AP2A2: variants seen among roughly 807,000 people sequenced by gnomAD.
The protein encoded by AP2A2 is AP-2 complex subunit alpha-2.
AP2A2 carries 32 observed loss-of-function variants against 104.2 expected under a neutral mutation model. That is an observed-to-expected ratio of 0.31 (90% CI 0.23 to 0.41). The LOEUF is 0.41. Among genes scored for constraint, AP2A2 ranks in the 10% least tolerant of loss-of-function variants. AP2A2 has a pLI of 1.00. For missense variants in AP2A2, 912 were observed against 1,261.0 expected (o/e 0.72, Z 4.19); for synonymous variants, 539 against 533.3 (o/e 1.01, Z -0.15).
In AP2A2 at chr11:925,947, C is replaced by G. The variant is rs1385017209; in HGVS notation, c.-75C>G. 1.7e-6 allele frequency: 2 copies of G among 1,167,140 alleles called. No individual in the cohort carries two copies. Among genetic ancestry groups the G allele is most frequent in the Admixed American group, 3.9e-5 (1 of 25,538 alleles). The allele number at this position is 1,167,140 out of a possible 1,614,324, so 72.3% of individuals were successfully genotyped here. ...GCTCCTCCGCGGCGGTGACGGCGACCGCACTCCCCGCTTCCCGCTCCCCGC... is the reference window on the plus strand; with the variant it reads ...GCTCCTCCGCGGCGGTGACGGCGACGGCACTCCCCGCTTCCCGCTCCCCGC... On this transcript the variant is annotated 5_prime_UTR_variant, in exon 1 of 22. Coordinates refer to ENST00000448903, the MANE Select transcript of AP2A2 (RefSeq NM_012305.4).
chr11:957,320 T>C (rs915968563), intron 1 of AP2A2, among the ~76,000 whole-genome samples: 1 of 152,216 alleles, frequency 6.6e-6, no homozygotes, highest in Non-Finnish European at 1.5e-5. Context: ...GCAGACTTCA[T>C]TGGATAGGCA....
chr11:946,039 C>T (rs918955752), intron 1 of AP2A2, among the ~76,000 whole-genome samples: 3 of 152,160 alleles, frequency 2.0e-5, no homozygotes, highest in Non-Finnish European at 1.5e-5. Context: ...GCCACTTAGC[C>T]GGAATGGTGG....
intron 1 of AP2A2, chr11:932,594 C>T (rs1258815040): frequency 2.5e-6 from 1 of 406,370 alleles, no homozygotes; most frequent in Non-Finnish European, 4.9e-6. Context: ...TGCATGTCTT[C>T]TTTTGCATGC....
chr11:960,841 A>G (rs537310787), intron 2 of AP2A2, among the ~76,000 whole-genome samples: 22 of 147,552 alleles, frequency 1.5e-4, no homozygotes, highest in Middle Eastern at 7.9e-3. Flanking sequence ...TATTTTTAGT[A>G]GAGACGGGGG....
At chr11:1,009,237 A>T (rs757079714) in intron 19 of AP2A2, 21 bp downstream of exon 19, 1 of 1,609,168 alleles carries the variant, frequency 6.2e-7, no homozygotes, top group South Asian at 1.1e-5. Context: ...TGTTTCCTGT[A>T]GGGGTCAGGG....
rs36207972 is a variant in AP2A2, at chr11:968,432, TCCCATCCCCGTC to T, written c.137-1736_137-1725del. Among the ~76,000 whole-genome samples, 72,422 of 151,448 alleles carry T rather than the reference TCCCATCCCCGTC, an allele frequency of 0.48. 18,236 individuals carry two copies. The highest frequency in any genetic ancestry group is 0.65 in the Middle Eastern group (188 of 290). On this transcript the variant is annotated intron_variant, in intron 2 of 21. Coordinates refer to ENST00000448903, the MANE Select transcript of AP2A2 (RefSeq NM_012305.4). This position sits in a 1 kb window ranked among gnomAD's most constrained non-coding sequence, Gnocchi z 4.2. ...AGCCTGTCTCCGTCTCCGCCCCTGT[TCCCATCCCCGTC>T]TCCATCCCCGTCCCCATCCCTGTCC...
chr11:954,665 T>TGTGTTTGTATAAATGTGTATTC (rs1854175312), intron 1 of AP2A2, among the ~76,000 whole-genome samples: 1 of 152,130 alleles, frequency 6.6e-6, no homozygotes, highest in African/African-American at 2.4e-5. Flanking sequence ...TATGTGTATT[T>TGTGTTTGTATAAATGTGTATTC]GTGTTTGTAT....
chr11:945,594 A>G (rs944377891), intron 1 of AP2A2, among the ~76,000 whole-genome samples: 9 of 152,200 alleles, frequency 5.9e-5, no homozygotes, highest in Non-Finnish European at 1.0e-4. Flanking sequence ...CGGCCTCTCA[A>G]AGTGCTGGGA....
At chr11:976,106 AAC>A (rs1157192545) in intron 4 of AP2A2, among the ~76,000 whole-genome samples, 4 of 152,134 alleles carry the variant, frequency 2.6e-5, no homozygotes, top group Non-Finnish European at 5.9e-5. Context: ...TGGCGCCTGG[AAC>A]ACACCCCTGA....
chr11:926,722 C>T (rs1335853873), intron 1 of AP2A2, among the ~76,000 whole-genome samples: 2 of 152,174 alleles, frequency 1.3e-5, no homozygotes, highest in African/African-American at 2.4e-5. Flanking sequence ...GACTCATTCC[C>T]GGAGGGAATC....
intron 18 of AP2A2, 24 bp downstream of exon 18, chr11:1,008,159 G>C: frequency 6.3e-7 from 1 of 1,579,108 alleles, no homozygotes; most frequent in Non-Finnish European, 8.6e-7. Flanking sequence ...GTGCGCCCCG[G>C]GCCAAGGGGT....
In AP2A2 at chr11:990,378, G is replaced by T. The variant is rs576061552; in HGVS notation, c.1269+1689G>T. On this transcript the variant is annotated intron_variant, in intron 10 of 21. Transcript: ENST00000448903. Reference sequence around the variant, plus strand: ...GGCCTGGCTGGGGCAGTGTGGCCTGGTGTCAGCACTTGTGGTGGGGTGGGG... The same window carrying T: ...GGCCTGGCTGGGGCAGTGTGGCCTGTTGTCAGCACTTGTGGTGGGGTGGGG... Among the ~76,000 whole-genome samples the T allele has an allele frequency of 9.8e-5, 15 of 152,326 alleles. No individual in the cohort carries two copies. The South Asian group carries it at 3.1e-3, about 32-fold the overall frequency.
chr11:999,500 A>G (rs1267482278), intron 14 of AP2A2, among the ~76,000 whole-genome samples: 2 of 152,100 alleles, frequency 1.3e-5, no homozygotes, highest in East Asian at 3.9e-4. Context: ...CTGTCTCAAA[A>G]AAAACAAAAA....
chr11:989,518 C>T (rs145119834), intron 10 of AP2A2, among the ~76,000 whole-genome samples: 6 of 152,324 alleles, frequency 3.9e-5, no homozygotes, highest in African/African-American at 1.4e-4. Context: ...TGAATTAATC[C>T]TTTGTGGCTT....
intron 1 of AP2A2, among the ~76,000 whole-genome samples, chr11:950,509 C>T (rs796178063): frequency 2.0e-5 from 3 of 151,990 alleles, no homozygotes; most frequent in South Asian, 2.1e-4. Context: ...AGGGTTTTGC[C>T]GTGTTGGCCA....
At chr11:984,500 G>C in intron 6 of AP2A2, 145 bp from the exon 7 acceptor site, 1 of 697,340 alleles carries the variant, frequency 1.4e-6, no homozygotes, top group Non-Finnish European at 2.5e-6. Context: ...GGGGTACCAA[G>C]CAGTGTCAGA....
chr11:1,010,990 G>A lies in AP2A2; in HGVS notation c.*365G>A, dbSNP rs760331753. On this transcript the variant is annotated 3_prime_UTR_variant, in exon 22 of 22. Coordinates refer to ENST00000448903, the MANE Select transcript of AP2A2 (RefSeq NM_012305.4). ...CCGTGCTGCCGCCCACCCCGCCTCGGAGCCTCTGGGAGCAGCAGTGCCACT... is the reference window on the plus strand; with the variant it reads ...CCGTGCTGCCGCCCACCCCGCCTCGAAGCCTCTGGGAGCAGCAGTGCCACT... 1.4e-5 allele frequency: 10 copies of A among 700,476 alleles called. No individual in the cohort carries two copies. Among genetic ancestry groups the A allele is most frequent in the South Asian group, 1.3e-4 (9 of 71,672 alleles). 43.4% of individuals were successfully genotyped at this position (700,476 alleles called of 1,614,324 possible).
chr11:1,010,788 A>G lies in AP2A2; in HGVS notation c.*163A>G. The G allele has an allele frequency of 1.4e-6, 1 of 694,452 alleles. No homozygotes were observed. The highest frequency in any genetic ancestry group is 1.5e-5 in the South Asian group (1 of 64,764). The allele number at this position is 694,452 out of a possible 1,614,324, so 43.0% of individuals were successfully genotyped here. A position where few individuals can be genotyped will look rare whatever the true frequency, so the allele number is the denominator to read the frequency against. ...TCTCCCCTTTGGGCTGGACGGGAAC[A>G]CACGTGTGTGGCTCAGGAGGAAAAG... On this transcript the variant is annotated 3_prime_UTR_variant, in exon 22 of 22. Transcript: ENST00000448903.
At chr11:1,002,123 C>CT (rs1453395757) in intron 15 of AP2A2, among the ~76,000 whole-genome samples, 1 of 152,212 alleles carries the variant, frequency 6.6e-6, no homozygotes, top group Non-Finnish European at 1.5e-5. Context: ...AGATACTGAC[C>CT]ACAAGGGCCT....
Sources: gnomAD v4.1 joint callset for allele counts (sites outside exome capture counted in the v4.1 genomes callset) on GRCh38, gnomAD v4.1.1 for gene constraint, Gnocchi (gnomAD v3.1) non-coding constraint, MANE v1.5 for transcripts, NCBI Gene and HGNC (gene_info 2026-07-23, HGNC 2026-07-21) for gene names.